SP6: variants seen among roughly 807,000 people sequenced by gnomAD.
SP6 encodes Sp6 transcription factor.
A neutral mutation model predicts 23.4 loss-of-function variants in SP6; 10 were observed. That is an observed-to-expected ratio of 0.43 (90% confidence interval 0.26 to 0.72). The LOEUF (loss-of-function observed/expected upper bound fraction) is 0.72, where lower values mean the gene tolerates loss of function less well. SP6 is among the 30% of genes least tolerant of loss of function. The pLI is 0.23. For missense variants in SP6, 482 were observed against 523.8 expected (o/e 0.92, Z 0.78); for synonymous variants, 238 against 238.7 (o/e 1.00, Z 0.03).
At chr17:47,853,159 C>T (rs2033974121), upstream of SP6, among the ~76,000 whole-genome samples, 1 of 152,218 alleles carries the variant, frequency 6.6e-6, no homozygotes. Context: ...GCCGGAGATG[C>T]CGCCTGACAT....
upstream of SP6, among the ~76,000 whole-genome samples, chr17:47,859,381 C>T (rs886990533): frequency 6.6e-6 from 1 of 152,246 alleles, no homozygotes; most frequent in Admixed American, 6.5e-5. Flanking sequence ...AAAGGCTTCT[C>T]TTATCCGCAC....
At chr17:47,853,601 C>A (rs186137972), upstream of SP6, among the ~76,000 whole-genome samples, 72 of 152,254 alleles carry the variant, frequency 4.7e-4, no homozygotes, top group Non-Finnish European at 8.7e-4. Flanking sequence ...TCTTCCTGGC[C>A]CCTTCTGCCT....
chr17:47,864,241 C>CTTTTTT, the SP6 span, among the ~76,000 whole-genome samples: 6 of 150,898 alleles, frequency 4.0e-5, no homozygotes, highest in African/African-American at 1.5e-4. Context: ...GTCTTTTTTC[C>CTTTTTT]TTTTTTTGTT....
chr17:47,865,130 CTCTTGT>C, the SP6 span: 1 of 152,284 alleles, frequency 6.6e-6, no homozygotes, highest in African/African-American at 2.4e-5. Flanking sequence ...ATTCGTTTCG[CTCTTGT>C]GAAACTGAAG....
upstream of SP6, among the ~76,000 whole-genome samples, chr17:47,856,912 C>T (rs562650154): frequency 3.9e-5 from 6 of 152,106 alleles, no homozygotes; most frequent in Admixed American, 3.9e-4. Context: ...CCTGCTCCTC[C>T]CCTATACCCT....
chr17:47,853,990 T>C (rs2033980801), upstream of SP6, among the ~76,000 whole-genome samples: 1 of 152,222 alleles, frequency 6.6e-6, no homozygotes, highest in Non-Finnish European at 1.5e-5. Flanking sequence ...ATGAGCAAGG[T>C]CACCACAGCC....
chr17:47,857,344 A>G (rs1442125893), upstream of SP6, among the ~76,000 whole-genome samples: 2 of 152,226 alleles, frequency 1.3e-5, no homozygotes, highest in African/African-American at 2.4e-5. Flanking sequence ...GCATTTCCTC[A>G]TGGATAAATG....
At chr17:47,857,199 AG>A (rs2034003851), upstream of SP6, among the ~76,000 whole-genome samples, 1 of 152,242 alleles carries the variant, frequency 6.6e-6, no homozygotes, top group African/African-American at 2.4e-5. Flanking sequence ...ATCAGGACTG[AG>A]GCAGGCTCCA....
At chr17:47,860,298 A>AG (rs1311033431), upstream of SP6, among the ~76,000 whole-genome samples, 2 of 152,200 alleles carry the variant, frequency 1.3e-5, no homozygotes, top group African/African-American at 4.8e-5. Context: ...AGCCTTCTCC[A>AG]GTTTTTCAAG....
At chr17:47,860,012 C>T (rs908398985), upstream of SP6, among the ~76,000 whole-genome samples, 2 of 152,074 alleles carry the variant, frequency 1.3e-5, no homozygotes, top group African/African-American at 4.8e-5. Flanking sequence ...TCATGTCGTG[C>T]CTCAGCTCAA....
At chr17:47,856,155 C>T (rs77789196), upstream of SP6, among the ~76,000 whole-genome samples, 6,807 of 152,242 alleles carry the variant, frequency 0.045, 189 homozygotes, top group African/African-American at 0.082. Flanking sequence ...ACACACCACA[C>T]GTCTTCAAGT....
upstream of SP6, chr17:47,851,318 C>G (rs1208353786): frequency 6.6e-6 from 1 of 152,202 alleles, no homozygotes; most frequent in Non-Finnish European, 1.5e-5. Flanking sequence ...GGAAAGATAA[C>G]TAGGGCGTGC....
At chr17:47,871,226 T>C in the SP6 span, among the ~76,000 whole-genome samples, 269 of 152,362 alleles carry the variant, frequency 1.8e-3, 1 homozygote, top group African/African-American at 6.2e-3. Flanking sequence ...CTTTCAGCTC[T>C]GGCCCTAGAA....
At chr17:47,871,271 A>G in the SP6 span, among the ~76,000 whole-genome samples, 1 of 152,202 alleles carries the variant, frequency 6.6e-6, no homozygotes, top group Non-Finnish European at 1.5e-5. Flanking sequence ...ATCTGTCATC[A>G]TTTATTGAGC....
the SP6 span, among the ~76,000 whole-genome samples, chr17:47,871,834 T>C: frequency 1.8e-4 from 27 of 152,302 alleles, no homozygotes; most frequent in Non-Finnish European, 3.5e-4. Context: ...TTGCCCAGGC[T>C]GGTTTTGAAC....
At chr17:47,871,707 C>T in the SP6 span, among the ~76,000 whole-genome samples, 1 of 152,044 alleles carries the variant, frequency 6.6e-6, no homozygotes, top group Non-Finnish European at 1.5e-5. Context: ...CAACCTCTGC[C>T]TCCCGGATTC....
chr17:47,858,563 T>A (rs2034013907), upstream of SP6, among the ~76,000 whole-genome samples: 1 of 152,154 alleles, frequency 6.6e-6, no homozygotes, highest in South Asian at 2.1e-4. Context: ...TAAAATGGTG[T>A]CTGGTACTTA....
rs1158567726 is a variant in SP6 at position 47,847,928 on chromosome 17, G to C, written c.502C>G (p.Pro168Ala). The change falls in exon 2 of 2, where the codon CCG becomes GCG. Residue 168 changes from proline (P) to alanine (A), a missense_variant. Around this residue, in one of 3 missense-constraint regions of SP6, gnomAD observed 330 missense variants for 332.3 expected, o/e 0.99. Coordinates refer to ENST00000536300, the MANE Select transcript of SP6 (RefSeq NM_001258248.2). The stretch of plus-strand genomic sequence containing the variant: ...GCTGGAAGGAGGTGGTGCGCATGCG[G>C]GTGGGGTGGCGGGGCACAAAGCTGG... ...DHQLCAPPPH[P>A]HAHHLLPAAG... 6.4e-7 allele frequency: 1 copy of C among 1,568,182 alleles called. No homozygotes were observed.
At chr17:47,852,795 G>C (rs1251564021), upstream of SP6, among the ~76,000 whole-genome samples, 1 of 152,132 alleles carries the variant, frequency 6.6e-6, no homozygotes, top group African/African-American at 2.4e-5. Context: ...CTTTTCTAAG[G>C]CTCATTTCCC....
Sources: allele counts gnomAD v4.1 joint callset (sites outside exome capture counted in the v4.1 genomes callset), GRCh38; gene constraint gnomAD v4.1.1; regional missense constraint gnomAD v4.1.1; transcripts MANE v1.5; gene names NCBI Gene and HGNC (gene_info 2026-07-23, HGNC 2026-07-21).